CELF5: variants seen among roughly 807,000 people sequenced by gnomAD.
CELF5 encodes the protein CUG-BP and ETR-3 like factor 5.
A neutral mutation model predicts 54.9 loss-of-function variants in CELF5; 6 were observed. That is an observed-to-expected ratio of 0.11 (90% CI 0.06 to 0.22). The LOEUF (loss-of-function observed/expected upper bound fraction) is 0.22, where lower values mean the gene tolerates loss of function less well. CELF5 is among the 10% of genes least tolerant of loss of function. The pLI is 1.00. For missense variants in CELF5, 401 were observed against 678.6 expected, an observed-to-expected ratio of 0.59 and a Z score of 4.54; for synonymous variants, 271 against 290.9, an observed-to-expected ratio of 0.93 and a Z score of 0.70.
chr19:3,242,591 G>A (rs1425785943), intron 1 of CELF5, among the ~76,000 whole-genome samples: 1 of 152,174 alleles, frequency 6.6e-6, no homozygotes, highest in African/African-American at 2.4e-5. Context: ...TGGATCATAA[G>A]GTCGGGAGTT....
intron 1 of CELF5, among the ~76,000 whole-genome samples, chr19:3,229,558 C>T (rs760533653): frequency 5.9e-5 from 9 of 152,188 alleles, no homozygotes; most frequent in African/African-American, 1.2e-4. Flanking sequence ...TGAGATGAGT[C>T]TGGTTTCCCT....
At chr19:3,227,484 G>C (rs1011768450) in intron 1 of CELF5, among the ~76,000 whole-genome samples, 6 of 152,112 alleles carry the variant, frequency 3.9e-5, no homozygotes, top group Non-Finnish European at 8.8e-5. Flanking sequence ...CCCAGGCCTG[G>C]AGAGAAATCC....
At chr19:3,283,868 G>A (rs573527050) in intron 8 of CELF5, among the ~76,000 whole-genome samples, 34 of 151,960 alleles carry the variant, frequency 2.2e-4, no homozygotes, top group African/African-American at 7.7e-4. Flanking sequence ...TGTCGCCCAG[G>A]CTGGAGTGCA....
intron 2 of CELF5, among the ~76,000 whole-genome samples, chr19:3,270,952 T>G (rs2079952691): frequency 6.6e-6 from 1 of 151,670 alleles, no homozygotes; most frequent in African/African-American, 2.4e-5. Flanking sequence ...GGTTCGGTGA[T>G]GGGGGCAGCT....
At chr19:3,280,981 C>T (rs562579372) in intron 5 of CELF5, among the ~76,000 whole-genome samples, 2 of 152,314 alleles carry the variant, frequency 1.3e-5, no homozygotes, top group South Asian at 2.1e-4. Flanking sequence ...TAGGCCTGGG[C>T]GCTGCACCTG....
At chr19:3,284,662 T>G in intron 8 of CELF5, 2 of 554,072 alleles carry the variant, frequency 3.6e-6, no homozygotes, top group South Asian at 2.2e-5. Context: ...ACGATGGTGA[T>G]CTCTCTCTGG....
At chr19:3,237,645 AG>A (rs1358824314) in intron 1 of CELF5, among the ~76,000 whole-genome samples, 1 of 152,100 alleles carries the variant, frequency 6.6e-6, no homozygotes, top group Non-Finnish European at 1.5e-5. Flanking sequence ...TCTTGGTTTG[AG>A]TGGGTTTTGG....
chr19:3,248,578 T>C (rs1394736874), intron 1 of CELF5, among the ~76,000 whole-genome samples: 1 of 152,174 alleles, frequency 6.6e-6, no homozygotes, highest in South Asian at 2.1e-4. Flanking sequence ...AATATTCCAC[T>C]GTGTGGGTCG....
In CELF5 at chr19:3,281,298, C is replaced by T. The variant is rs2080147065; in HGVS notation, c.703C>T (p.Pro235Ser). ...QMVGQLGILTPSLTLPFSPYS... is the reference protein window; with the variant it reads ...QMVGQLGILTSSLTLPFSPYS... ...GGTGGGCCAGCTGGGCATCCTGACGCCGTCCCTCACATTGCCCTTCAGCCC... is the reference window on the plus strand; with the variant it reads ...GGTGGGCCAGCTGGGCATCCTGACGTCGTCCCTCACATTGCCCTTCAGCCC... The change falls in exon 6 of 13, where the codon CCG becomes TCG. Residue 235 changes from proline (P) to serine (S), a missense_variant. Transcript: ENST00000292672. This position sits in a 1 kb window ranked among gnomAD's most constrained non-coding sequence, Gnocchi z 6.5. 8 of 1,611,696 alleles carry T rather than the reference C, an allele frequency of 5.0e-6. No homozygotes were observed. The highest frequency in any genetic ancestry group is 5.9e-6 in the Non-Finnish European group (7 of 1,179,864).
At chr19:3,274,645 C>T (rs2080018338) in intron 3 of CELF5, among the ~76,000 whole-genome samples, 1 of 152,158 alleles carries the variant, frequency 6.6e-6, no homozygotes, top group East Asian at 1.9e-4. Context: ...TCAGCTGTTC[C>T]CATGGGACCC....
At position 3,278,858 on chromosome 19, in the gene CELF5, T is replaced by G. The variant is rs2080101541; in HGVS notation, c.603+748T>G. Among the ~76,000 whole-genome samples, 1 of 150,794 alleles carries G rather than the reference T, an allele frequency of 6.6e-6. No homozygotes were observed. The highest frequency in any genetic ancestry group is 1.5e-5 in the Non-Finnish European group (1 of 68,010). The stretch of plus-strand genomic sequence containing the variant: ...TAAGGGGATGACACCTGGGTTGGAT[T>G]TGCTGAGGCCAGGAGAGGCCCTGAC... On this transcript the variant is annotated intron_variant, in intron 5 of 12. Coordinates refer to ENST00000292672, the MANE Select transcript of CELF5 (RefSeq NM_021938.4). The surrounding 1 kb of genome is among the most constrained non-coding windows in gnomAD (Gnocchi z 4.5).
At chr19:3,293,853 CTG>C (rs1209266496) in intron 12 of CELF5, 1 of 172,290 alleles carries the variant, frequency 5.8e-6, no homozygotes, top group Non-Finnish European at 1.3e-5. Flanking sequence ...TCCTATGAGT[CTG>C]TTTTCCCTGC....
At chr19:3,227,599 G>C (rs1036912434) in intron 1 of CELF5, among the ~76,000 whole-genome samples, 11 of 152,082 alleles carry the variant, frequency 7.2e-5, no homozygotes, top group Non-Finnish European at 7.4e-5. Context: ...CCGGCTCCTG[G>C]TACAAGCCCG....
chr19:3,261,789 C>A (rs1210211219), intron 2 of CELF5, among the ~76,000 whole-genome samples: 3 of 152,092 alleles, frequency 2.0e-5, no homozygotes, highest in African/African-American at 7.2e-5. Context: ...CCACTGTACT[C>A]CAGCCTGGGC....
At chr19:3,254,555 A>G (rs560763999) in intron 2 of CELF5, among the ~76,000 whole-genome samples, 27 of 150,428 alleles carry the variant, frequency 1.8e-4, no homozygotes, top group African/African-American at 6.1e-4. Context: ...CTATCCATTC[A>G]TCCACCCATC....
intron 2 of CELF5, among the ~76,000 whole-genome samples, chr19:3,258,822 A>T (rs1448820216): frequency 1.3e-5 from 2 of 149,550 alleles, no homozygotes; most frequent in African/African-American, 4.9e-5. Flanking sequence ...TGTTGCCCAG[A>T]CTGGTCTTGA....
intron 1 of CELF5, among the ~76,000 whole-genome samples, chr19:3,229,784 C>CT (rs1917161011): frequency 6.6e-6 from 1 of 152,112 alleles, no homozygotes; most frequent in South Asian, 2.1e-4. Context: ...GGAGGATGCA[C>CT]TGACGGGGAA....
Position 3,245,680 on chromosome 19 carries a change from C to G in CELF5, c.260-5305C>G, listed in dbSNP as rs1045079164. On this transcript the variant is annotated intron_variant, in intron 1 of 12. Coordinates refer to ENST00000292672, the MANE Select transcript of CELF5 (RefSeq NM_021938.4). ...CTGATTTCTCTCAGGCCTTAGGGCT[C>G]GTTGTCTTAGTGTAGTTCTTTTGAA... is the stretch of plus-strand genomic sequence containing the variant. 2.6e-5 allele frequency among the ~76,000 whole-genome samples: 4 copies of G among 151,974 alleles called. No homozygotes were observed. In the South Asian group the frequency reaches 8.3e-4, roughly 31 times the overall value.
intron 2 of CELF5, chr19:3,270,811 C>T (rs2079949957): frequency 6.6e-6 from 1 of 152,248 alleles, no homozygotes; most frequent in Admixed American, 6.6e-5. Context: ...CGACCCTCTC[C>T]CCGAGCTGAC....
Sources: gnomAD v4.1 joint callset for allele counts (sites outside exome capture counted in the v4.1 genomes callset) on GRCh38, gnomAD v4.1.1 for gene constraint, Gnocchi (gnomAD v3.1) non-coding constraint, MANE v1.5 for transcripts, NCBI Gene and HGNC (gene_info 2026-07-23, HGNC 2026-07-21) for gene names.